The following ADAM19 variants were observed in gnomAD, a reference collection of about 807,000 sequenced individuals.
The protein encoded by ADAM19 is disintegrin and metalloproteinase domain-containing protein 19.
A neutral mutation model predicts 114.7 loss-of-function variants in ADAM19; 65 were observed. The observed-to-expected ratio is 0.57, with a 90% CI of 0.46 to 0.70. ADAM19 has a LOEUF of 0.70. Among genes scored for constraint, ADAM19 ranks in the 30% least tolerant of loss-of-function variants. The pLI, the probability that ADAM19 is intolerant of heterozygous loss-of-function variation, is 0.00. For missense variants in ADAM19, 1,063 were observed against 1,204.7 expected, an observed-to-expected ratio of 0.88 and a Z score of 1.74; for synonymous variants, 466 against 460.5, an observed-to-expected ratio of 1.01 and a Z score of -0.15.
In ADAM19 at chr5:157,478,899, C is replaced by A; in HGVS notation, c.*2050G>T. On this transcript the variant is annotated 3_prime_UTR_variant, in exon 23 of 23. Coordinates refer to ENST00000257527, the MANE Select transcript of ADAM19 (RefSeq NM_033274.5). The stretch of plus-strand genomic sequence containing the variant: ...GGCGCTGTCATTTCAGAGCTATCTA[C>A]CTCCTGATGTGAGGGAGAAAGGCTG... 3 of 985,708 alleles carry A rather than the reference C, an allele frequency of 3.0e-6. No individual in the cohort carries two copies. Among genetic ancestry groups the A allele is most frequent in the Non-Finnish European group, 3.6e-6 (3 of 829,934 alleles). The allele number at this position is 985,708 out of a possible 1,614,324, so 61.1% of individuals were successfully genotyped here.
At chr5:157,522,883 G>T (rs188008829) in intron 5 of ADAM19, among the ~76,000 whole-genome samples, 11 of 152,306 alleles carry the variant, frequency 7.2e-5, no homozygotes, top group Non-Finnish European at 1.2e-4. Context: ...TCTTAGGGGT[G>T]ATTGGCCTCA....
intron 3 of ADAM19, among the ~76,000 whole-genome samples, chr5:157,556,283 A>G (rs184371658): frequency 0.015 from 1,998 of 130,024 alleles, 42 homozygotes; most frequent in African/African-American, 0.056. Flanking sequence ...CAGTGGCACA[A>G]TCTCGGCTCA....
intron 1 of ADAM19, among the ~76,000 whole-genome samples, chr5:157,573,313 G>T (rs1325605669): frequency 6.6e-6 from 1 of 152,092 alleles, no homozygotes; most frequent in Non-Finnish European, 1.5e-5. Context: ...CTCACCCATG[G>T]ATTACTGCAT....
intron 1 of ADAM19, among the ~76,000 whole-genome samples, chr5:157,573,344 TG>T (rs1327251574): frequency 6.6e-6 from 1 of 152,204 alleles, no homozygotes; most frequent in Admixed American, 6.5e-5. Context: ...AATGTACCAT[TG>T]ACTTTTTATT....
chr5:157,562,148 G>A (rs1454444451), intron 3 of ADAM19, among the ~76,000 whole-genome samples: 1 of 152,220 alleles, frequency 6.6e-6, no homozygotes. Context: ...AAACACACTA[G>A]GAAGTCGTGT....
intron 3 of ADAM19, among the ~76,000 whole-genome samples, chr5:157,546,143 A>C (rs1757041807): frequency 6.6e-6 from 1 of 152,214 alleles, no homozygotes; most frequent in South Asian, 2.1e-4. Context: ...TGCTTGGCAA[A>C]TGCTGACACC....
At chr5:157,521,875 G>C (rs1303666979) in intron 5 of ADAM19, among the ~76,000 whole-genome samples, 2 of 152,176 alleles carry the variant, frequency 1.3e-5, no homozygotes, top group Admixed American at 6.5e-5. Context: ...CACACTTTGG[G>C]AACACAGAGG....
rs1754689614 is a variant in ADAM19, at chr5:157,479,721, A to C, written c.*1228T>G. The C allele has an allele frequency of 5.5e-5, 54 of 985,910 alleles. No individual in the cohort carries two copies. The highest frequency in any genetic ancestry group is 6.5e-5 in the Non-Finnish European group (54 of 830,232). The allele number at this position is 985,910 out of a possible 1,614,324, so 61.1% of individuals were successfully genotyped here. A position where few individuals can be genotyped will look rare whatever the true frequency, so the allele number is the denominator to read the frequency against. On this transcript the variant is annotated 3_prime_UTR_variant, in exon 23 of 23. Coordinates refer to ENST00000257527, the MANE Select transcript of ADAM19 (RefSeq NM_033274.5). ...AGAGGCTCCCTGCTCTGACTGTTCC[A>C]GTGCAGCTGCTGCTGGCTGCCTTCT...
intron 3 of ADAM19, among the ~76,000 whole-genome samples, chr5:157,539,877 C>A (rs1756870384): frequency 6.6e-6 from 1 of 152,174 alleles, no homozygotes; most frequent in Non-Finnish European, 1.5e-5. Context: ...AATGAGAAAA[C>A]CACTTAACTA....
intron 3 of ADAM19, among the ~76,000 whole-genome samples, chr5:157,558,304 C>T (rs905759564): frequency 8.5e-5 from 13 of 152,242 alleles, no homozygotes; most frequent in African/African-American, 1.2e-4. Flanking sequence ...TTCCTCAGCA[C>T]CTGTCTCCCC....
intron 15 of ADAM19, 93 bp downstream of exon 15, chr5:157,494,594 G>A: frequency 1.0e-6 from 1 of 991,472 alleles, no homozygotes; most frequent in Non-Finnish European, 1.6e-6. Context: ...GCAGCTCTGG[G>A]GCCAGTCACA....
At position 157,507,019 on chromosome 5, in the gene ADAM19, C is replaced by T. The variant is rs372174041; in HGVS notation, c.990+37G>A. The T allele has an allele frequency of 9.2e-5, 145 of 1,568,584 alleles. No homozygotes were observed. The African/African-American group carries it at 1.8e-3, about 19-fold the overall frequency. On this transcript the variant is annotated intron_variant, in intron 10 of 22. Coordinates refer to ENST00000257527, the MANE Select transcript of ADAM19 (RefSeq NM_033274.5). ...CCTCTGGTCTTGAAAGGCAGCTCAG[C>T]GCCTTCTGCAGCGCACACACACGGG...
At position 157,494,741 on chromosome 5, in the gene ADAM19, G is replaced by A. The variant is rs1755300371; in HGVS notation, c.1649C>T (p.Thr550Ile). Residue 550 changes from threonine to isoleucine, a missense_variant, in exon 15 of 23, where the codon ACC (threonine) becomes ATC (isoleucine). Transcript: ENST00000257527. ...CFEKVNVAGDTFGNCGKDMNG... is the reference protein window; with the variant it reads ...CFEKVNVAGDIFGNCGKDMNG... The stretch of plus-strand genomic sequence containing the variant: ...CATGTCCTTTCCACAGTTTCCAAAG[G>A]TGTCTCCTGCCACATTCACCTTCTC... 2 of 1,613,780 alleles carry A rather than the reference G, an allele frequency of 1.2e-6. No individual in the cohort carries two copies. Among genetic ancestry groups the A allele is most frequent in the African/African-American group, 1.3e-5 (1 of 74,898 alleles).
At chr5:157,499,749 A>C in intron 12 of ADAM19, 87 bp from the exon 13 acceptor site, 3 of 799,160 alleles carry the variant, frequency 3.8e-6, no homozygotes, top group Non-Finnish European at 2.0e-6. Context: ...CACCCCTGGA[A>C]CCCCAGCTCT....
chr5:157,568,130 G>A (rs1392644509), intron 2 of ADAM19: 2 of 152,090 alleles, frequency 1.3e-5, no homozygotes, highest in Non-Finnish European at 1.5e-5. Flanking sequence ...GTGCACCACT[G>A]CGCCTGGCTA....
rs1318711678 is a variant in ADAM19 at position 157,570,740 on chromosome 5, G to A, written c.180+155C>T. On this transcript the variant is annotated intron_variant, in intron 2 of 22. Coordinates refer to ENST00000257527, the MANE Select transcript of ADAM19 (RefSeq NM_033274.5). ...GAAGTTTGTCATACAAGGAAGGAAA[G>A]TCCCATCTGTGATCTCCAAAATGGG... The A allele has an allele frequency of 6.7e-6, 4 of 593,682 alleles. No homozygotes were observed. The Admixed American group carries it at 1.3e-4, about 20-fold the overall frequency. 36.8% of individuals were successfully genotyped at this position (593,682 alleles called of 1,614,324 possible).
At chr5:157,538,135 G>A (rs566202954) in intron 3 of ADAM19, 144 bp from the exon 4 acceptor site, 4 of 510,026 alleles carry the variant, frequency 7.8e-6, no homozygotes, top group Non-Finnish European at 1.4e-5. Flanking sequence ...AGGGGCTAAG[G>A]AACAAAAAGG....
chr5:157,571,709 G>T (rs896219964), intron 1 of ADAM19, among the ~76,000 whole-genome samples: 2 of 152,152 alleles, frequency 1.3e-5, no homozygotes, highest in African/African-American at 2.4e-5. Flanking sequence ...GGAAGGCCAG[G>T]CTAGAGATAT....
At chr5:157,536,624 T>TCACACA (rs140225679) in intron 4 of ADAM19, among the ~76,000 whole-genome samples, 23 of 149,860 alleles carry the variant, frequency 1.5e-4, no homozygotes, top group Middle Eastern at 3.4e-3. Flanking sequence ...TGAAACTCTG[T>TCACACA]CACACACACA....
Sources: gnomAD v4.1 joint callset for allele counts (sites outside exome capture counted in the v4.1 genomes callset) on GRCh38, gnomAD v4.1.1 for gene constraint, MANE v1.5 for transcripts, NCBI Gene and HGNC (gene_info 2026-07-23, HGNC 2026-07-21) for gene names.